The following ZNF804B variants were observed in gnomAD, a reference collection of about 807,000 sequenced individuals.
The protein encoded by ZNF804B is zinc finger protein 804B.
In ZNF804B, 80 loss-of-function variants were observed where a neutral mutation model predicts 101.4. The observed-to-expected ratio is 0.79, with a 90% CI of 0.66 to 0.95. The LOEUF (loss-of-function observed/expected upper bound fraction) is 0.95, where lower values mean the gene tolerates loss of function less well. ZNF804B is among the 40% of genes least tolerant of loss of function. ZNF804B has a pLI of 0.00. For synonymous variants in ZNF804B, 622 were observed against 558.8 expected (o/e 1.11, Z -1.59); for missense variants, 1,673 against 1,561.9 (o/e 1.07, Z -1.20).
At chr7:88,877,032 T>G (rs1396769481) in intron 1 of ZNF804B, among the ~76,000 whole-genome samples, 1 of 44,940 alleles carries the variant, frequency 2.2e-5, no homozygotes, top group Non-Finnish European at 4.1e-5. Flanking sequence ...ATATAATATA[T>G]ATATATATAT....
intron 2 of ZNF804B, among the ~76,000 whole-genome samples, chr7:89,225,574 C>T (rs1789077266): frequency 6.6e-6 from 1 of 151,954 alleles, no homozygotes; most frequent in South Asian, 2.1e-4. Flanking sequence ...TTAGAGTAGA[C>T]CATTTCACTC....
In ZNF804B at chr7:88,937,647, C is replaced by T. The variant is rs1554347698; in HGVS notation, c.108+177563C>T. On this transcript the variant is annotated intron_variant, in intron 1 of 3. Coordinates refer to ENST00000333190, the MANE Select transcript of ZNF804B (RefSeq NM_181646.5). ...AAAGCAAGTTTCATAAATAAATAAT[C>T]TAATTTCTTGTAAGATATCCAAAAG... Among the ~76,000 whole-genome samples, 4 of 151,596 alleles carry T rather than the reference C, an allele frequency of 2.6e-5. No homozygotes were observed. In the South Asian group the frequency reaches 8.3e-4, roughly 31 times the overall value.
At chr7:88,832,450 T>C (rs1791147200) in intron 1 of ZNF804B, among the ~76,000 whole-genome samples, 1 of 151,986 alleles carries the variant, frequency 6.6e-6, no homozygotes, top group African/African-American at 2.4e-5. Flanking sequence ...GCATGGCTTG[T>C]TCTTAAGTTT....
At chr7:89,073,330 C>T (rs910505860) in intron 1 of ZNF804B, among the ~76,000 whole-genome samples, 16 of 152,030 alleles carry the variant, frequency 1.1e-4, no homozygotes, top group African/African-American at 3.6e-4. Context: ...CCTGTCCTAC[C>T]ATGGGGAAGG....
chr7:88,865,292 G>A (rs1791710556), intron 1 of ZNF804B, among the ~76,000 whole-genome samples: 1 of 151,828 alleles, frequency 6.6e-6, no homozygotes, highest in South Asian at 2.1e-4. Flanking sequence ...AGCACTTTGG[G>A]AGGCTGAGGC....
At chr7:89,142,086 A>T (rs1790726678) in intron 1 of ZNF804B, among the ~76,000 whole-genome samples, 1 of 151,454 alleles carries the variant, frequency 6.6e-6, no homozygotes, top group Admixed American at 6.6e-5. Flanking sequence ...GATTTTTTTA[A>T]GATTAAGAAA....
chr7:89,050,396 T>C (rs1022463792), intron 1 of ZNF804B, among the ~76,000 whole-genome samples: 2 of 152,154 alleles, frequency 1.3e-5, no homozygotes, highest in African/African-American at 4.8e-5. Flanking sequence ...AATAAAGTCG[T>C]ACCATTTTCA....
chr7:88,968,637 A>G (rs1470610531), intron 1 of ZNF804B, among the ~76,000 whole-genome samples: 1 of 151,682 alleles, frequency 6.6e-6, no homozygotes, highest in East Asian at 2.0e-4. Context: ...GAATAAATCA[A>G]TGCAGTTATG....
chr7:89,264,970 G>A (rs558842064), intron 2 of ZNF804B, among the ~76,000 whole-genome samples: 1 of 152,174 alleles, frequency 6.6e-6, no homozygotes, highest in East Asian at 1.9e-4. Context: ...TCCTTTTTGT[G>A]TTCTCTTATA....
At chr7:88,999,069 T>G (rs1192242169) in intron 1 of ZNF804B, among the ~76,000 whole-genome samples, 2 of 152,042 alleles carry the variant, frequency 1.3e-5, no homozygotes. Context: ...TTCTTCAACC[T>G]ACTGCAGAAG....
intron 1 of ZNF804B, among the ~76,000 whole-genome samples, chr7:89,050,493 T>C (rs1363389726): frequency 6.6e-6 from 1 of 152,196 alleles, no homozygotes; most frequent in Non-Finnish European, 1.5e-5. Flanking sequence ...CCTTGTATCA[T>C]AGTGCGTGAT....
intron 1 of ZNF804B, among the ~76,000 whole-genome samples, chr7:88,993,527 C>A (rs1793878007): frequency 6.6e-6 from 1 of 151,904 alleles, no homozygotes; most frequent in South Asian, 2.1e-4. Flanking sequence ...AGGTCAATGA[C>A]CCAAAAAGAA....
Position 89,334,144 on chromosome 7 carries a change from T to C in ZNF804B, c.1162T>C (p.Ser388Pro), listed in dbSNP as rs1466957474. 2 of 1,613,654 alleles carry C rather than the reference T, an allele frequency of 1.2e-6. No homozygotes were observed. The highest frequency in any genetic ancestry group is 2.2e-5 in the South Asian group (2 of 91,072). The change falls in exon 4 of 4, where the codon TCA becomes CCA. Residue 388 changes from serine to proline, a missense_variant. By Grantham distance (74) the Ser-to-Pro change is moderately conservative. Transcript: ENST00000333190. ...GATATCTGAATGCCTGGATGAGTTT[T>C]CATCACTGGAGCCAAGTGAACAAAA... is the stretch of plus-strand genomic sequence containing the variant. ...ARISECLDEF[S>P]SLEPSEQKST...
intron 1 of ZNF804B, among the ~76,000 whole-genome samples, chr7:89,019,210 T>A (rs1408499422): frequency 6.6e-6 from 1 of 152,128 alleles, no homozygotes; most frequent in Non-Finnish European, 1.5e-5. Context: ...AATAATTTTT[T>A]AAATTTCCTT....
intron 1 of ZNF804B, among the ~76,000 whole-genome samples, chr7:88,783,868 C>A (rs955859253): frequency 1.3e-5 from 2 of 152,056 alleles, no homozygotes; most frequent in Non-Finnish European, 2.9e-5. Context: ...GGTTGAAATG[C>A]TTTATCATTT....
intron 1 of ZNF804B, among the ~76,000 whole-genome samples, chr7:88,859,858 A>G (rs1295239178): frequency 2.6e-5 from 4 of 152,072 alleles, no homozygotes; most frequent in Non-Finnish European, 5.9e-5. Context: ...TTTTAGTCAA[A>G]AGGATAATTC....
At chr7:88,805,714 G>A (rs925345897) in intron 1 of ZNF804B, among the ~76,000 whole-genome samples, 1 of 152,194 alleles carries the variant, frequency 6.6e-6, no homozygotes, top group Non-Finnish European at 1.5e-5. Flanking sequence ...GGGGTCTAGA[G>A]TAAGAATGCA....
intron 1 of ZNF804B, among the ~76,000 whole-genome samples, chr7:88,942,097 A>G (rs1234590852): frequency 2.6e-5 from 4 of 151,924 alleles, no homozygotes; most frequent in Admixed American, 6.6e-5. Flanking sequence ...AAGAAAATCT[A>G]CAAACTCCCA....
chr7:88,816,170 C>T (rs1790873637), intron 1 of ZNF804B, among the ~76,000 whole-genome samples: 2 of 152,196 alleles, frequency 1.3e-5, no homozygotes, highest in Non-Finnish European at 1.5e-5. Flanking sequence ...AAGCTGCACT[C>T]ACATGCAGAT....
Sources: gnomAD v4.1 joint callset for allele counts (sites outside exome capture counted in the v4.1 genomes callset) on GRCh38, gnomAD v4.1.1 for gene constraint, MANE v1.5 for transcripts, NCBI Gene and HGNC (gene_info 2026-07-23, HGNC 2026-07-21) for gene names.